The following DLGAP2 variants were observed in gnomAD, a reference collection of about 807,000 sequenced individuals.
DLGAP2 encodes disks large-associated protein 2.
A neutral mutation model predicts 100.3 loss-of-function variants in DLGAP2; 26 were observed. The ratio of observed to expected loss-of-function variants is 0.26; its 90% CI spans 0.19 to 0.36. The LOEUF is 0.36. DLGAP2 is among the 10% of genes least tolerant of loss of function. DLGAP2 has a pLI of 1.00. For missense variants in DLGAP2, 1,858 were observed against 1,453.2 expected (o/e 1.28, Z -4.53); for synonymous variants, 886 against 630.1 (o/e 1.41, Z -6.08).
At chr8:1,450,485 A>T (rs1008809943) in intron 3 of DLGAP2, among the ~76,000 whole-genome samples, 1 of 149,584 alleles carries the variant, frequency 6.7e-6, no homozygotes, top group Non-Finnish European at 1.5e-5. Flanking sequence ...GAGGGTGAAG[A>T]TGAGGTGGGC....
chr8:1,061,637 C>T (rs781644747), intron 2 of DLGAP2, among the ~76,000 whole-genome samples: 1 of 152,120 alleles, frequency 6.6e-6, no homozygotes, highest in Admixed American at 6.6e-5. Context: ...GTTGCTGTCA[C>T]AGAGAGCGAG....
intron 2 of DLGAP2, among the ~76,000 whole-genome samples, chr8:934,685 A>G (rs540086080): frequency 1.6e-3 from 247 of 152,092 alleles, no homozygotes; most frequent in Admixed American, 3.4e-3. Flanking sequence ...ATCCTGCTTC[A>G]TGCTCGCTCA....
chr8:1,241,146 GTGGTGC>G (rs1563274410), intron 2 of DLGAP2, among the ~76,000 whole-genome samples: 11 of 37,852 alleles, frequency 2.9e-4, no homozygotes, highest in African/African-American at 1.5e-3. Flanking sequence ...GTTCTCTCAC[GTGGTGC>G]CATGTCTAGT....
intron 8 of DLGAP2, among the ~76,000 whole-genome samples, chr8:1,645,433 T>C (rs1563277641): frequency 6.6e-6 from 1 of 152,234 alleles, no homozygotes; most frequent in Non-Finnish European, 1.5e-5. Flanking sequence ...TAAGTTACGA[T>C]GTTTGGTGGG....
intron 2 of DLGAP2, among the ~76,000 whole-genome samples, chr8:1,072,907 G>A (rs543348701): frequency 5.1e-4 from 77 of 152,330 alleles, no homozygotes; most frequent in Non-Finnish European, 9.8e-4. Flanking sequence ...CTCCCTGCTG[G>A]CTGAGACGGA....
At chr8:1,212,728 T>A (rs1032900669) in intron 2 of DLGAP2, among the ~76,000 whole-genome samples, 1 of 151,560 alleles carries the variant, frequency 6.6e-6, no homozygotes. Flanking sequence ...ATTTTTCCAG[T>A]ACCTTTTTGC....
intron 2 of DLGAP2, among the ~76,000 whole-genome samples, chr8:1,111,594 C>G (rs961777067): frequency 2.0e-5 from 3 of 152,074 alleles, no homozygotes; most frequent in African/African-American, 7.2e-5. Context: ...GTGTGTTCTT[C>G]CCCTCTGTGT....
intron 6 of DLGAP2, among the ~76,000 whole-genome samples, chr8:1,603,361 G>C (rs577143435): frequency 3.3e-5 from 5 of 150,406 alleles, no homozygotes; most frequent in African/African-American, 9.8e-5. Context: ...TTCCATAGAG[G>C]CTGGTTAGAA....
chr8:1,558,244 G>T (rs1377934446), intron 5 of DLGAP2, among the ~76,000 whole-genome samples: 3 of 152,210 alleles, frequency 2.0e-5, no homozygotes, highest in African/African-American at 7.2e-5. Flanking sequence ...GGGGCCAAAG[G>T]GCCCAGTCAC....
At chr8:1,194,221 C>G (rs538153518) in intron 2 of DLGAP2, among the ~76,000 whole-genome samples, 1 of 152,106 alleles carries the variant, frequency 6.6e-6, no homozygotes, top group Non-Finnish European at 1.5e-5. Context: ...CTCAGCCCGA[C>G]TCAGGAGGAG....
At chr8:1,043,693 C>T (rs1236307446) in intron 2 of DLGAP2, among the ~76,000 whole-genome samples, 2 of 151,894 alleles carry the variant, frequency 1.3e-5, no homozygotes, top group African/African-American at 2.4e-5. Context: ...GGATTTGGAC[C>T]AGGTGTGAAG....
chr8:1,621,176 G>C (rs952516298), intron 6 of DLGAP2: 1 of 152,256 alleles, frequency 6.6e-6, no homozygotes, highest in Non-Finnish European at 1.5e-5. Context: ...CTCGTGTTCT[G>C]TTTGGGAAGC....
At chr8:952,401 T>C (rs1165681350) in intron 2 of DLGAP2, among the ~76,000 whole-genome samples, 1 of 152,170 alleles carries the variant, frequency 6.6e-6, no homozygotes, top group African/African-American at 2.4e-5. Flanking sequence ...AATAATCCTT[T>C]GGGAGGCCAA....
intron 3 of DLGAP2, among the ~76,000 whole-genome samples, chr8:1,299,059 A>G (rs955234030): frequency 6.6e-6 from 1 of 152,384 alleles, no homozygotes; most frequent in East Asian, 1.9e-4. Flanking sequence ...TGCTGCCAGC[A>G]GAGAATGTGA....
intron 2 of DLGAP2, among the ~76,000 whole-genome samples, chr8:1,124,620 G>A (rs1217917342): frequency 1.3e-5 from 2 of 152,176 alleles, no homozygotes; most frequent in Non-Finnish European, 2.9e-5. Flanking sequence ...AGCTGCTTAA[G>A]AAAGCCAAGC....
intron 8 of DLGAP2, among the ~76,000 whole-genome samples, chr8:1,634,867 A>ATGTTTACCATGTATATTT (rs1797731583): frequency 6.6e-6 from 1 of 152,174 alleles, no homozygotes; most frequent in Non-Finnish European, 1.5e-5. Context: ...TATATATACA[A>ATGTTTACCATGTATATTT]TGTTTACCAT....
At chr8:1,605,729 A>G (rs1014821710) in intron 6 of DLGAP2, among the ~76,000 whole-genome samples, 4 of 152,224 alleles carry the variant, frequency 2.6e-5, no homozygotes, top group Non-Finnish European at 5.9e-5. Flanking sequence ...CACAGCGTCC[A>G]TGATGGGGTG....
intron 2 of DLGAP2, among the ~76,000 whole-genome samples, chr8:1,194,619 G>A (rs1029862590): frequency 3.3e-5 from 5 of 152,190 alleles, no homozygotes; most frequent in Non-Finnish European, 7.3e-5. Flanking sequence ...GAAGATTCTG[G>A]AAGCCGAGTC....
chr8:1,051,965 A>G (rs1436350413), intron 2 of DLGAP2, among the ~76,000 whole-genome samples: 1 of 152,164 alleles, frequency 6.6e-6, no homozygotes, highest in Non-Finnish European at 1.5e-5. Flanking sequence ...TTGAATTTGC[A>G]CACCAGAGGA....
Sources: allele counts gnomAD v4.1 joint callset (sites outside exome capture counted in the v4.1 genomes callset), GRCh38; gene constraint gnomAD v4.1.1; transcripts MANE v1.5; gene names NCBI Gene and HGNC (gene_info 2026-07-23, HGNC 2026-07-21).